The following RPH3A variants were observed in gnomAD, a reference collection of about 807,000 sequenced individuals.
The protein encoded by RPH3A is rabphilin-3A.
A neutral mutation model predicts 102.2 loss-of-function variants in RPH3A; 48 were observed. The observed-to-expected ratio is 0.47, with a 90% CI of 0.37 to 0.60. The LOEUF (loss-of-function observed/expected upper bound fraction) is 0.60, where lower values mean the gene tolerates loss of function less well. Among genes scored for constraint, RPH3A ranks in the 20% least tolerant of loss-of-function variants. RPH3A has a pLI of 0.00. For synonymous variants in RPH3A, 310 were observed against 324.3 expected (o/e 0.96, Z 0.47); for missense variants, 781 against 910.1 (o/e 0.86, Z 1.83).
At chr12:112,588,154 A>T (rs2039451397) in intron 1 of RPH3A, among the ~76,000 whole-genome samples, 1 of 152,208 alleles carries the variant, frequency 6.6e-6, no homozygotes, top group Non-Finnish European at 1.5e-5. Context: ...TGCTCAATAA[A>T]TATTTGTTGA....
chr12:112,860,850 G>C (rs1450746057), intron 5 of RPH3A, among the ~76,000 whole-genome samples: 1 of 152,108 alleles, frequency 6.6e-6, no homozygotes, highest in Non-Finnish European at 1.5e-5. Flanking sequence ...AAATAGTTGG[G>C]AGCAACTGTG....
At chr12:112,680,044 G>C (rs1202612144) in intron 1 of RPH3A, among the ~76,000 whole-genome samples, 1 of 152,162 alleles carries the variant, frequency 6.6e-6, no homozygotes, top group Non-Finnish European at 1.5e-5. Context: ...TATGTTCCAG[G>C]CAGGGGCACA....
At chr12:112,845,555 T>C (rs529568567) in intron 4 of RPH3A, among the ~76,000 whole-genome samples, 1 of 152,324 alleles carries the variant, frequency 6.6e-6, no homozygotes, top group Non-Finnish European at 1.5e-5. Flanking sequence ...TGAATTCTCC[T>C]CACTTGCTCA....
At chr12:112,604,269 T>G (rs2039578452) in intron 1 of RPH3A, among the ~76,000 whole-genome samples, 1 of 152,198 alleles carries the variant, frequency 6.6e-6, no homozygotes, top group South Asian at 2.1e-4. Context: ...GTGACTTTAC[T>G]GGCAACCATT....
At chr12:112,627,898 C>G (rs182218472) in intron 1 of RPH3A, among the ~76,000 whole-genome samples, 1 of 148,590 alleles carries the variant, frequency 6.7e-6, no homozygotes, top group Admixed American at 7.0e-5. Context: ...GGAAGCATGG[C>G]TGGGGAAGCC....
intron 2 of RPH3A, among the ~76,000 whole-genome samples, chr12:112,826,350 G>A (rs762552809): frequency 3.3e-5 from 5 of 152,312 alleles, no homozygotes; most frequent in South Asian, 2.1e-4. Flanking sequence ...GGGAGCCAGC[G>A]TGTGCTAAGG....
At chr12:112,863,521 T>C (rs2042556374) in intron 5 of RPH3A, among the ~76,000 whole-genome samples, 1 of 152,242 alleles carries the variant, frequency 6.6e-6, no homozygotes, top group African/African-American at 2.4e-5. Flanking sequence ...GGTTTCACCA[T>C]GTTGGTCAGC....
At chr12:112,765,116 C>T (rs998217010) in intron 1 of RPH3A, among the ~76,000 whole-genome samples, 1 of 152,068 alleles carries the variant, frequency 6.6e-6, no homozygotes, top group South Asian at 2.1e-4. Context: ...AAAAGTTCTC[C>T]ATTCATCAAA....
At position 112,678,299 on chromosome 12, in the gene RPH3A, AAGAAAG is replaced by A. The variant is rs1425871943; in HGVS notation, c.-140+102984_-140+102989del. 7.7e-4 allele frequency among the ~76,000 whole-genome samples: 32 copies of A among 41,368 alleles called. No individual in the cohort carries two copies. The East Asian group carries it at 9.5e-3, about 12-fold the overall frequency. 27.1% of individuals were successfully genotyped at this position (41,368 alleles called of 152,430 possible). On this transcript the variant is annotated intron_variant, in intron 1 of 21. Coordinates refer to the RPH3A transcript ENST00000543106. ...AAAGAAAGAAAGAAAGAAAGAAAGA[AAGAAAG>A]AGAGAGAGAGAGAAAGAAAGAAAGA...
intron 14 of RPH3A, among the ~76,000 whole-genome samples, chr12:112,881,096 G>A (rs1049760662): frequency 6.6e-6 from 1 of 152,192 alleles, no homozygotes. Flanking sequence ...TAAGTGCTGT[G>A]CAGAGGGATG....
chr12:112,671,917 C>T (rs1318094098), intron 1 of RPH3A, among the ~76,000 whole-genome samples: 2 of 151,584 alleles, frequency 1.3e-5, no homozygotes, highest in African/African-American at 4.9e-5. Context: ...TATACACACA[C>T]ATACATACAT....
Position 112,618,990 on chromosome 12 carries a change from T to A in RPH3A, c.-140+43671T>A, listed in dbSNP as rs919091962. The stretch of plus-strand genomic sequence containing the variant: ...TGCGACTGGCGTCTTTCACTTAGCA[T>A]CGTGTTTTCAAGGTTCATCTGTGTT... On this transcript the variant is annotated intron_variant, in intron 1 of 21. Coordinates refer to the RPH3A transcript ENST00000543106. Among the ~76,000 whole-genome samples, 6 of 152,220 alleles carry A rather than the reference T, an allele frequency of 3.9e-5. 1 individual carries two copies. Among genetic ancestry groups the A allele is most frequent in the African/African-American group, 1.4e-4 (6 of 41,458 alleles).
intron 1 of RPH3A, among the ~76,000 whole-genome samples, chr12:112,642,543 A>T (rs2039898164): frequency 6.6e-6 from 1 of 152,192 alleles, no homozygotes; most frequent in Non-Finnish European, 1.5e-5. Flanking sequence ...AATTCTATAC[A>T]ATCAGTATGT....
chr12:112,602,495 G>A (rs1215663743), intron 1 of RPH3A, among the ~76,000 whole-genome samples: 2 of 152,206 alleles, frequency 1.3e-5, no homozygotes, highest in African/African-American at 4.8e-5. Context: ...GAAGCTAGAG[G>A]AAGGAGTGTT....
chr12:112,858,702 T>C (rs959823018), intron 5 of RPH3A, among the ~76,000 whole-genome samples: 3 of 152,262 alleles, frequency 2.0e-5, no homozygotes, highest in African/African-American at 7.2e-5. Context: ...CACTGTCTAC[T>C]TGGCACATAG....
rs146205989 is a variant in RPH3A at position 112,646,956 on chromosome 12, A to G, written c.-140+71637A>G. ...TAACACTGGAGGGTATGCATCCCAT[A>G]GTTTGGGACTGCATTAATCTTAAAA... On this transcript the variant is annotated intron_variant, in intron 1 of 21. Coordinates refer to the RPH3A transcript ENST00000543106. Among the ~76,000 whole-genome samples, 91 of 152,278 alleles carry G rather than the reference A, an allele frequency of 6.0e-4. 1 individual carries two copies. Among genetic ancestry groups the G allele is most frequent in the Admixed American group, 2.9e-3 (44 of 15,300 alleles).
At chr12:112,580,066 G>C (rs2039386506) in intron 1 of RPH3A, among the ~76,000 whole-genome samples, 1 of 152,150 alleles carries the variant, frequency 6.6e-6, no homozygotes, top group Non-Finnish European at 1.5e-5. Flanking sequence ...TATGGATAGA[G>C]AGAGGAACAA....
chr12:112,696,170 T>C (rs559375440), intron 1 of RPH3A, among the ~76,000 whole-genome samples: 1 of 152,352 alleles, frequency 6.6e-6, no homozygotes, highest in East Asian at 1.9e-4. Flanking sequence ...ATTGTTTTGT[T>C]CCTTTTTATG....
At chr12:112,679,963 C>A (rs1256449440) in intron 1 of RPH3A, among the ~76,000 whole-genome samples, 1 of 152,186 alleles carries the variant, frequency 6.6e-6, no homozygotes, top group Non-Finnish European at 1.5e-5. Flanking sequence ...GTCAGGGAAA[C>A]CTGAGATGGG....
Sources: allele counts gnomAD v4.1 joint callset (sites outside exome capture counted in the v4.1 genomes callset), GRCh38; gene constraint gnomAD v4.1.1; transcripts MANE v1.5; gene names NCBI Gene and HGNC (gene_info 2026-07-23, HGNC 2026-07-21).